Variants in FOXP1 observed in about 807,000 individuals in gnomAD.
FOXP1 encodes forkhead box protein P1.
FOXP1 carries 15 observed loss-of-function variants against 98.2 expected under a neutral mutation model. That is an observed-to-expected ratio of 0.15 (90% CI 0.10 to 0.24). The LOEUF (loss-of-function observed/expected upper bound fraction) is 0.24, where lower values mean the gene tolerates loss of function less well. FOXP1 is among the 10% of genes least tolerant of loss of function. The pLI is 1.00. For synonymous variants in FOXP1, 371 were observed against 314.5 expected, an observed-to-expected ratio of 1.18 and a Z score of -1.90; for missense variants, 633 against 848.5, an observed-to-expected ratio of 0.75 and a Z score of 3.15.
intron 3 of FOXP1, among the ~76,000 whole-genome samples, chr3:71,488,098 A>C (rs1352654041): frequency 6.6e-6 from 1 of 152,236 alleles, no homozygotes; most frequent in Non-Finnish European, 1.5e-5. Flanking sequence ...ACCAGAGAAG[A>C]AATAAATTTC....
chr3:71,159,156 A>G (rs892431172), intron 6 of FOXP1, among the ~76,000 whole-genome samples: 1 of 151,970 alleles, frequency 6.6e-6, no homozygotes, highest in African/African-American at 2.4e-5. Context: ...ATTAAAAGAA[A>G]AACAACGCAT....
chr3:71,126,658 T>C (rs539104347), intron 6 of FOXP1, among the ~76,000 whole-genome samples: 8 of 151,762 alleles, frequency 5.3e-5, no homozygotes, highest in Non-Finnish European at 1.2e-4. Flanking sequence ...ACTCCGTCTC[T>C]ACTAAAAATA....
At chr3:71,142,176 G>C (rs2060101859) in intron 6 of FOXP1, among the ~76,000 whole-genome samples, 1 of 152,066 alleles carries the variant, frequency 6.6e-6, no homozygotes, top group African/African-American at 2.4e-5. Context: ...TTAAGGAATT[G>C]ATATAATTAC....
At chr3:71,414,755 T>C (rs1395086442) in intron 3 of FOXP1, among the ~76,000 whole-genome samples, 3 of 152,130 alleles carry the variant, frequency 2.0e-5, no homozygotes, top group Non-Finnish European at 4.4e-5. Context: ...CCTAAGACAA[T>C]GCCATGGGTG....
chr3:71,022,802 T>G (rs1221965452), intron 11 of FOXP1, among the ~76,000 whole-genome samples: 1 of 152,044 alleles, frequency 6.6e-6, no homozygotes, highest in Non-Finnish European at 1.5e-5. Context: ...CCACCAAACT[T>G]CCACCAAGGA....
chr3:71,581,908 CCA>C, intron 1 of FOXP1: 1 of 984,548 alleles, frequency 1.0e-6, no homozygotes, highest in Non-Finnish European at 1.2e-6. Flanking sequence ...TCGGCCCGAG[CCA>C]AAGTCTCAGC....
chr3:70,967,814 A>T (rs1268178129), intron 19 of FOXP1, among the ~76,000 whole-genome samples: 1 of 143,414 alleles, frequency 7.0e-6, no homozygotes, highest in Admixed American at 7.5e-5. Context: ...AATTCTGCTG[A>T]GTGTCTTTCC....
intron 5 of FOXP1, among the ~76,000 whole-genome samples, chr3:71,259,947 G>C (rs1290455824): frequency 6.6e-6 from 1 of 152,082 alleles, no homozygotes; most frequent in Admixed American, 6.6e-5. Context: ...TGAAGGAAGA[G>C]GTGAGGAAGG....
chr3:71,464,874 T>A (rs1181263123), intron 3 of FOXP1, among the ~76,000 whole-genome samples: 1 of 152,206 alleles, frequency 6.6e-6, no homozygotes, highest in East Asian at 1.9e-4. Flanking sequence ...ACTGCCCCCC[T>A]TCCCCTTACA....
At chr3:71,147,898 A>C (rs2060387603) in intron 6 of FOXP1, among the ~76,000 whole-genome samples, 1 of 152,270 alleles carries the variant, frequency 6.6e-6, no homozygotes, top group African/African-American at 2.4e-5. Flanking sequence ...CTTGATAAAT[A>C]GAATTATGTT....
chr3:71,140,951 G>GA (rs1203035978), intron 6 of FOXP1, among the ~76,000 whole-genome samples: 245 of 139,490 alleles, frequency 1.8e-3, no homozygotes, highest in East Asian at 2.1e-3. Flanking sequence ...TGGTCTCCAA[G>GA]AAAAAAAAAA....
intron 4 of FOXP1, among the ~76,000 whole-genome samples, chr3:71,341,204 G>C (rs1159771752): frequency 6.6e-6 from 1 of 152,068 alleles, no homozygotes; most frequent in Non-Finnish European, 1.5e-5. Flanking sequence ...ACACTCTCCA[G>C]GATATACCAT....
At chr3:71,421,325 G>A (rs561906713) in intron 3 of FOXP1, among the ~76,000 whole-genome samples, 77 of 152,240 alleles carry the variant, frequency 5.1e-4, no homozygotes, top group Middle Eastern at 3.4e-3. Context: ...TTAGCTAGGC[G>A]ATGTCATCCT....
At chr3:71,226,190 C>G (rs1189034472) in intron 5 of FOXP1, among the ~76,000 whole-genome samples, 1 of 152,188 alleles carries the variant, frequency 6.6e-6, no homozygotes, top group Non-Finnish European at 1.5e-5. Flanking sequence ...GAAATTACAT[C>G]AATTGAATCT....
chr3:71,503,995 G>A (rs1382743028), intron 2 of FOXP1, among the ~76,000 whole-genome samples: 1 of 152,146 alleles, frequency 6.6e-6, no homozygotes, highest in Non-Finnish European at 1.5e-5. Flanking sequence ...GCAAGACCCA[G>A]GGGGTGAGTA....
intron 3 of FOXP1, among the ~76,000 whole-genome samples, chr3:71,374,504 A>T (rs1360386341): frequency 6.6e-6 from 1 of 152,086 alleles, no homozygotes; most frequent in Admixed American, 6.5e-5. Context: ...GAGGCAGAAG[A>T]ATTGCTTGAA....
At chr3:71,541,875 G>T in intron 2 of FOXP1, 1 of 444,018 alleles carries the variant, frequency 2.3e-6, no homozygotes, top group East Asian at 6.4e-5. Context: ...TTATTCAGAC[G>T]GTCTTGCCTA....
intron 6 of FOXP1, among the ~76,000 whole-genome samples, chr3:71,187,947 G>T (rs987212874): frequency 2.0e-5 from 3 of 152,144 alleles, no homozygotes; most frequent in Non-Finnish European, 4.4e-5. Context: ...TTTGTAAAGG[G>T]TATATCAAGA....
At chr3:71,507,985 T>A (rs1424338976) in intron 2 of FOXP1, among the ~76,000 whole-genome samples, 1 of 152,182 alleles carries the variant, frequency 6.6e-6, no homozygotes, top group East Asian at 1.9e-4. Context: ...AGTGTTATTA[T>A]CCCCATTTTA....
Sources: gnomAD v4.1 joint callset for allele counts (sites outside exome capture counted in the v4.1 genomes callset) on GRCh38, gnomAD v4.1.1 for gene constraint, MANE v1.5 for transcripts, NCBI Gene and HGNC (gene_info 2026-07-23, HGNC 2026-07-21) for gene names.